Variants in GALNT18 observed in about 807,000 individuals in gnomAD.
GALNT18 encodes the protein polypeptide N-acetylgalactosaminyltransferase 18, also known as GalNAc-transferase 18.
In GALNT18, 44 loss-of-function variants were observed where a neutral mutation model predicts 69.5. The ratio of observed to expected loss-of-function variants is 0.63; its 90% CI spans 0.50 to 0.81. The LOEUF is 0.81. Among genes scored for constraint, GALNT18 ranks in the 40% least tolerant of loss-of-function variants. The pLI, the probability that GALNT18 is intolerant of heterozygous loss-of-function variation, is 0.00. For synonymous variants in GALNT18, 364 were observed against 318.2 expected (o/e 1.14, Z -1.53); for missense variants, 715 against 810.0 (o/e 0.88, Z 1.42).
intron 1 of GALNT18, among the ~76,000 whole-genome samples, chr11:11,551,722 G>A (rs1858196152): frequency 6.6e-6 from 1 of 152,204 alleles, no homozygotes; most frequent in Admixed American, 6.5e-5. Flanking sequence ...CACCAAACAG[G>A]CTTTGTGTGG....
In GALNT18 at chr11:11,543,128, C is replaced by T. The variant is rs981211315; in HGVS notation, c.235+78231G>A. ...GTGTTAGTTACTATTATTAAGAAGCCGATGCCTTCTCTGGTCTTTCTACCT... is the reference window on the plus strand; with the variant it reads ...GTGTTAGTTACTATTATTAAGAAGCTGATGCCTTCTCTGGTCTTTCTACCT... On this transcript the variant is annotated intron_variant, in intron 1 of 10. Coordinates refer to ENST00000227756, the MANE Select transcript of GALNT18 (RefSeq NM_198516.3). The surrounding 1 kb of genome is among the most constrained non-coding windows in gnomAD (Gnocchi z 5.1). Among the ~76,000 whole-genome samples the T allele has an allele frequency of 2.6e-5, 4 of 152,144 alleles. No individual in the cohort carries two copies. The highest frequency in any genetic ancestry group is 2.1e-4 in the South Asian group (1 of 4,820).
rs1037601559 is a variant in GALNT18 at position 11,459,010 on chromosome 11, C to T, written c.236-10074G>A. Among the ~76,000 whole-genome samples the T allele has an allele frequency of 2.6e-5, 4 of 152,254 alleles. No individual in the cohort carries two copies. The highest frequency in any genetic ancestry group is 4.2e-4 in the South Asian group (2 of 4,816). ...TTTACTTGAGCGAGAAGGGGGACTT[C>T]GGCACATCATAGCGGTACTCTTCTT... On this transcript the variant is annotated intron_variant, in intron 1 of 10. Transcript: ENST00000227756. This position sits in a 1 kb window ranked among gnomAD's most constrained non-coding sequence, Gnocchi z 5.0.
At chr11:11,519,720 G>A (rs1001279421) in intron 1 of GALNT18, among the ~76,000 whole-genome samples, 11 of 152,142 alleles carry the variant, frequency 7.2e-5, no homozygotes, top group Admixed American at 5.2e-4. Context: ...CCCTGTCTCA[G>A]CCCCATCTCG....
chr11:11,281,302 C>T (rs1849069807), intron 10 of GALNT18, among the ~76,000 whole-genome samples: 1 of 152,202 alleles, frequency 6.6e-6, no homozygotes, highest in Non-Finnish European at 1.5e-5. Flanking sequence ...TCATTGTCTG[C>T]AGGCCCAAAT....
chr11:11,549,319 T>C (rs1254629946), intron 1 of GALNT18, among the ~76,000 whole-genome samples: 1 of 152,208 alleles, frequency 6.6e-6, no homozygotes, highest in Non-Finnish European at 1.5e-5. Context: ...AGAAATACAC[T>C]TCTATCTTGC....
intron 1 of GALNT18, among the ~76,000 whole-genome samples, chr11:11,519,605 C>G (rs1166453665): frequency 6.6e-6 from 1 of 152,190 alleles, no homozygotes; most frequent in African/African-American, 2.4e-5. Flanking sequence ...CCAGGGAAAG[C>G]CTGATTTGCA....
chr11:11,486,009 T>G (rs1856636839), intron 1 of GALNT18, among the ~76,000 whole-genome samples: 8 of 152,164 alleles, frequency 5.3e-5, no homozygotes, highest in Admixed American at 5.2e-4. Flanking sequence ...AGTGAGAGCA[T>G]CACAGAGATG....
intron 2 of GALNT18, among the ~76,000 whole-genome samples, chr11:11,437,483 C>T (rs993085464): frequency 1.3e-5 from 2 of 151,994 alleles, no homozygotes; most frequent in African/African-American, 4.8e-5. Context: ...CTGCAGAGAT[C>T]CCCCAGGACT....
chr11:11,507,139 C>T (rs1857082849), intron 1 of GALNT18, among the ~76,000 whole-genome samples: 1 of 152,204 alleles, frequency 6.6e-6, no homozygotes, highest in African/African-American at 2.4e-5. Context: ...CACTTGGACA[C>T]TACTGTTAAG....
chr11:11,424,367 C>A (rs190982910), intron 3 of GALNT18, among the ~76,000 whole-genome samples: 8 of 152,116 alleles, frequency 5.3e-5, no homozygotes, highest in Non-Finnish European at 1.0e-4. Flanking sequence ...CCAGGGCCAG[C>A]GGGCCTGGAT....
At position 11,413,638 on chromosome 11, in the gene GALNT18, T is replaced by C. The variant is rs944296471; in HGVS notation, c.595+18983A>G. 6.6e-6 allele frequency among the ~76,000 whole-genome samples: 1 copy of C among 152,200 alleles called. No individual in the cohort carries two copies. Among genetic ancestry groups the C allele is most frequent in the African/African-American group, 2.4e-5 (1 of 41,446 alleles). ...CCCAGAAGCCTCCACTCTGGGTCTG[T>C]GGCTGCACCCGGGGCCCCAGCATGG... On this transcript the variant is annotated intron_variant, in intron 3 of 10. Coordinates refer to ENST00000227756, the MANE Select transcript of GALNT18 (RefSeq NM_198516.3). The surrounding 1 kb of genome is among the most constrained non-coding windows in gnomAD (Gnocchi z 4.7).
intron 3 of GALNT18, among the ~76,000 whole-genome samples, chr11:11,392,978 T>C (rs1191087020): frequency 2.0e-5 from 3 of 152,164 alleles, no homozygotes; most frequent in Non-Finnish European, 4.4e-5. Flanking sequence ...CATGCCGACC[T>C]TTCTTAGAAC....
At chr11:11,441,076 C>A (rs1467410653) in intron 2 of GALNT18, among the ~76,000 whole-genome samples, 1 of 152,210 alleles carries the variant, frequency 6.6e-6, no homozygotes, top group Admixed American at 6.5e-5. Flanking sequence ...ACTTTCTCAA[C>A]ATCTCTTAAA....
In GALNT18 at chr11:11,387,707, T is replaced by A. The variant is rs573317632; in HGVS notation, c.596-8443A>T. On this transcript the variant is annotated intron_variant, in intron 3 of 10. Coordinates refer to ENST00000227756, the MANE Select transcript of GALNT18 (RefSeq NM_198516.3). The surrounding 1 kb of genome is among the most constrained non-coding windows in gnomAD (Gnocchi z 4.6). The stretch of plus-strand genomic sequence containing the variant: ...AACCTAGCTGATCATCCACATCACA[T>A]CACATGGGAAGCTAAAAATTAAATA... 4.6e-5 allele frequency among the ~76,000 whole-genome samples: 7 copies of A among 152,158 alleles called. No homozygotes were observed. The highest frequency in any genetic ancestry group is 1.3e-4 in the Admixed American group (2 of 15,282).
rs544553623 is a variant in GALNT18, at chr11:11,281,012, C to T, written c.1678-9722G>A. Reference sequence around the variant, plus strand: ...GCCTGGGCATATCTGCTGCCCACACCCAGGCTGGGCTGTGTTGCTGATGCT... The same window carrying T: ...GCCTGGGCATATCTGCTGCCCACACTCAGGCTGGGCTGTGTTGCTGATGCT... On this transcript the variant is annotated intron_variant, in intron 10 of 10. Transcript: ENST00000227756. Among the ~76,000 whole-genome samples the T allele has an allele frequency of 3.0e-4, 45 of 152,162 alleles. 3 individuals carry two copies. The highest frequency in any genetic ancestry group is 1.1e-3 in the African/African-American group (45 of 41,508).
intron 10 of GALNT18, among the ~76,000 whole-genome samples, chr11:11,290,575 G>C (rs556868965): frequency 6.6e-6 from 1 of 152,154 alleles, no homozygotes; most frequent in Non-Finnish European, 1.5e-5. Flanking sequence ...GCCTGCTTTC[G>C]ATGTCACAAC....
chr11:11,458,995 C>A (rs1037319700), intron 1 of GALNT18, among the ~76,000 whole-genome samples: 1 of 152,154 alleles, frequency 6.6e-6, no homozygotes, highest in Non-Finnish European at 1.5e-5. Context: ...TTTACTTGAG[C>A]GAGAAGGGGG....
In GALNT18 at chr11:11,320,234, T is replaced by C. The variant is rs560922501; in HGVS notation, c.1512+6852A>G. Among the ~76,000 whole-genome samples, 5 of 152,294 alleles carry C rather than the reference T, an allele frequency of 3.3e-5. No individual in the cohort carries two copies. In the South Asian group the frequency reaches 1.0e-3, roughly 32 times the overall value. On this transcript the variant is annotated intron_variant, in intron 9 of 10. Transcript: ENST00000227756. The surrounding 1 kb of genome is among the most constrained non-coding windows in gnomAD (Gnocchi z 4.9). ...CAAGTGTGATGCTTAGGGAGGAATA[T>C]GTAAGTTTTCATAGAAGAGGTCAGA...
At chr11:11,477,409 C>T (rs1248338886) in intron 1 of GALNT18, among the ~76,000 whole-genome samples, 1 of 152,176 alleles carries the variant, frequency 6.6e-6, no homozygotes, top group African/African-American at 2.4e-5. Context: ...AGAACTCACA[C>T]AATCACAATA....
Sources: gnomAD v4.1 joint callset for allele counts (sites outside exome capture counted in the v4.1 genomes callset) on GRCh38, gnomAD v4.1.1 for gene constraint, Gnocchi (gnomAD v3.1) non-coding constraint, MANE v1.5 for transcripts, NCBI Gene and HGNC (gene_info 2026-07-23, HGNC 2026-07-21) for gene names.